The following PALS2 variants were observed in gnomAD, a reference collection of about 807,000 sequenced individuals.
PALS2 encodes the protein protein PALS2.
PALS2 carries 27 observed loss-of-function variants against 61.6 expected under a neutral mutation model. That is an observed-to-expected ratio of 0.44 (90% CI 0.32 to 0.60). The LOEUF (loss-of-function observed/expected upper bound fraction) is 0.60. Among genes scored for constraint, PALS2 ranks in the 20% least tolerant of loss-of-function variants. PALS2 has a pLI of 0.05. For missense variants in PALS2, 554 were observed against 639.4 expected, an observed-to-expected ratio of 0.87 and a Z score of 1.44; for synonymous variants, 236 against 218.6, an observed-to-expected ratio of 1.08 and a Z score of -0.70.
intron 3 of PALS2, among the ~76,000 whole-genome samples, chr7:24,645,804 T>A (rs941795358): frequency 7.9e-5 from 12 of 152,188 alleles, no homozygotes; most frequent in Non-Finnish European, 1.5e-4. Context: ...GAGCAGTGTT[T>A]TGTAATTCTC....
chr7:24,656,317 C>A (rs1470651403), intron 5 of PALS2, among the ~76,000 whole-genome samples: 1 of 152,150 alleles, frequency 6.6e-6, no homozygotes, highest in East Asian at 1.9e-4. Flanking sequence ...TAATTATTGT[C>A]ATTTGCATAA....
intron 1 of PALS2, among the ~76,000 whole-genome samples, chr7:24,605,993 G>A (rs1783885355): frequency 6.6e-6 from 1 of 152,174 alleles, no homozygotes; most frequent in Non-Finnish European, 1.5e-5. Context: ...TCAACCCAAA[G>A]ATGATCTCCT....
chr7:24,655,350 A>T (rs1786361835), intron 5 of PALS2, among the ~76,000 whole-genome samples: 1 of 152,314 alleles, frequency 6.6e-6, no homozygotes, highest in South Asian at 2.1e-4. Context: ...GTACGTATAG[A>T]TGCAGTAGAA....
intron 5 of PALS2, 125 bp from the exon 6 acceptor site, chr7:24,663,465 T>C: frequency 8.9e-6 from 8 of 895,914 alleles, no homozygotes; most frequent in Non-Finnish European, 1.2e-5. Flanking sequence ...GAGAGACAAG[T>C]TCATTATCTG....
chr7:24,691,378 A>T lies in PALS2; in HGVS notation c.*3764A>T, dbSNP rs558066787. ...TCATTTTTTAAATGTTCGAGTTGCC[A>T]TATATTATGTATGTGTGTGTGTGTG... is the stretch of plus-strand genomic sequence containing the variant. On this transcript the variant is annotated 3_prime_UTR_variant, in exon 12 of 12. Transcript: ENST00000222644. 4.2e-5 allele frequency: 5 copies of T among 119,352 alleles called. No individual in the cohort carries two copies. The East Asian group carries it at 1.3e-3, about 31-fold the overall frequency. The allele number at this position is 119,352 out of a possible 1,614,324, so 7.4% of individuals were successfully genotyped here. A position where few individuals can be genotyped will look rare whatever the true frequency, so the allele number is the denominator to read the frequency against.
intron 1 of PALS2, among the ~76,000 whole-genome samples, chr7:24,608,450 G>C (rs1784002701): frequency 6.6e-6 from 1 of 151,912 alleles, no homozygotes; most frequent in Non-Finnish European, 1.5e-5. Context: ...CTTGTCTTAT[G>C]AAACTCTTAA....
At chr7:24,605,987 C>T (rs1380942584) in intron 1 of PALS2, among the ~76,000 whole-genome samples, 1 of 152,074 alleles carries the variant, frequency 6.6e-6, no homozygotes, top group African/African-American at 2.4e-5. Context: ...GATTTGTCAA[C>T]CCAAAGATGA....
chr7:24,666,719 C>T lies in PALS2; in HGVS notation c.952+630C>T, dbSNP rs1171480391. On this transcript the variant is annotated intron_variant, in intron 8 of 11. Coordinates refer to ENST00000222644, the MANE Select transcript of PALS2 (RefSeq NM_001303037.2). ...CACTTTATATACAATTCCTGTTTGT[C>T]AGTTGTACCTCAGTAAAGCTGAAAA... The T allele has an allele frequency of 3.9e-5, 6 of 152,090 alleles. No individual in the cohort carries two copies. In the East Asian group the frequency reaches 9.6e-4, roughly 24 times the overall value. The allele number at this position is 152,090 out of a possible 1,614,324, so 9.4% of individuals were successfully genotyped here. A position where few individuals can be genotyped will look rare whatever the true frequency, so the allele number is the denominator to read the frequency against.
In PALS2 at chr7:24,655,435, G is replaced by A. The variant is rs114918128; in HGVS notation, c.651+4723G>A. ...GAAGTGTGCCTTGGTTGGGGAAACC[G>A]AATGATGGGATGGGATGGAATGAGG... On this transcript the variant is annotated intron_variant, in intron 5 of 11. Coordinates refer to ENST00000222644, the MANE Select transcript of PALS2 (RefSeq NM_001303037.2). Among the ~76,000 whole-genome samples the A allele has an allele frequency of 8.2e-3, 1,247 of 152,150 alleles. 14 individuals carry two copies. Among genetic ancestry groups the A allele is most frequent in the African/African-American group, 0.028 (1,158 of 41,506 alleles).
chr7:24,633,723 A>G (rs901297912), intron 2 of PALS2, among the ~76,000 whole-genome samples: 1 of 152,092 alleles, frequency 6.6e-6, no homozygotes, highest in African/African-American at 2.4e-5. Flanking sequence ...TCTTGGACAC[A>G]CTTTTATGTA....
At chr7:24,595,984 A>G (rs1324602819) in intron 1 of PALS2, among the ~76,000 whole-genome samples, 1 of 151,994 alleles carries the variant, frequency 6.6e-6, no homozygotes, top group Non-Finnish European at 1.5e-5. Context: ...ACAAGCAGAC[A>G]AAGGGAAAGA....
intron 1 of PALS2, among the ~76,000 whole-genome samples, chr7:24,595,502 T>TATATATAATATATAATATATATA (rs1477174444): frequency 1.6e-4 from 18 of 110,492 alleles, no homozygotes; most frequent in Admixed American, 9.7e-4. Flanking sequence ...ATATTTTTAA[T>TATATATAATATATAATATATATA]ATATATAATA....
At chr7:24,606,389 T>C (rs1783900224) in intron 1 of PALS2, among the ~76,000 whole-genome samples, 1 of 152,168 alleles carries the variant, frequency 6.6e-6, no homozygotes, top group Non-Finnish European at 1.5e-5. Flanking sequence ...TTATAGGTGA[T>C]AGGAGAGGGC....
chr7:24,658,742 A>C (rs1000670315), intron 5 of PALS2, among the ~76,000 whole-genome samples: 7 of 151,204 alleles, frequency 4.6e-5, no homozygotes, highest in Admixed American at 2.6e-4. Context: ...TTTTTAGTAG[A>C]GACAGGGTTT....
intron 3 of PALS2, among the ~76,000 whole-genome samples, chr7:24,646,438 A>G (rs1785836618): frequency 6.6e-6 from 1 of 152,154 alleles, no homozygotes; most frequent in African/African-American, 2.4e-5. Flanking sequence ...AGTTCTGTTT[A>G]TGTGATGAAT....
intron 11 of PALS2, among the ~76,000 whole-genome samples, chr7:24,682,553 A>AT (rs1374163174): frequency 2.0e-5 from 3 of 152,066 alleles, no homozygotes; most frequent in Non-Finnish European, 4.4e-5. Flanking sequence ...TGGGGTAATC[A>AT]TAAGAGTCAC....
intron 1 of PALS2, among the ~76,000 whole-genome samples, chr7:24,607,839 A>G (rs1384189020): frequency 6.6e-6 from 1 of 152,062 alleles, no homozygotes; most frequent in Non-Finnish European, 1.5e-5. Context: ...AATGAGCTTC[A>G]ATATGGAAAA....
chr7:24,637,208 G>A (rs1380909428), intron 2 of PALS2, among the ~76,000 whole-genome samples: 2 of 151,334 alleles, frequency 1.3e-5, no homozygotes, highest in Non-Finnish European at 2.9e-5. Flanking sequence ...ATCTAATCTC[G>A]GAATTTGTAT....
chr7:24,667,203 C>G (rs989957957), intron 8 of PALS2, among the ~76,000 whole-genome samples: 6 of 152,078 alleles, frequency 3.9e-5, no homozygotes, highest in Non-Finnish European at 8.8e-5. Flanking sequence ...CCCTATTATT[C>G]ATAAAATATA....
Sources: gnomAD v4.1 joint callset for allele counts (sites outside exome capture counted in the v4.1 genomes callset) on GRCh38, gnomAD v4.1.1 for gene constraint, MANE v1.5 for transcripts, NCBI Gene and HGNC (gene_info 2026-07-23, HGNC 2026-07-21) for gene names.